The following GRAMD1B variants were observed in gnomAD, a reference collection of about 807,000 sequenced individuals.
GRAMD1B encodes GRAM domain containing 1B, also known as protein Aster-B.
In GRAMD1B, 37 loss-of-function variants were observed where a neutral mutation model predicts 99.7. The observed-to-expected ratio is 0.37, with a 90% CI of 0.29 to 0.49. The LOEUF (loss-of-function observed/expected upper bound fraction) is 0.49, where lower values mean the gene tolerates loss of function less well. GRAMD1B is among the 20% of genes least tolerant of loss of function. The pLI is 0.98. For synonymous variants in GRAMD1B, 427 were observed against 387.6 expected (o/e 1.10, Z -1.19); for missense variants, 888 against 1,009.2 (o/e 0.88, Z 1.63).
intron 1 of GRAMD1B, among the ~76,000 whole-genome samples, chr11:123,440,083 T>C (rs952106117): frequency 6.6e-6 from 1 of 152,122 alleles, no homozygotes; most frequent in Non-Finnish European, 1.5e-5. Flanking sequence ...AGAAAGGCAA[T>C]GGATGGTTAG....
rs79990380 is a variant in GRAMD1B, at chr11:123,592,019, T to C, written c.685-2063T>C. Reference sequence around the variant, plus strand: ...GATACCTGAGCTATTACTGGATATGTGAGAAGCAAGGGGGAGAAGGCACTA... The same window carrying C: ...GATACCTGAGCTATTACTGGATATGCGAGAAGCAAGGGGGAGAAGGCACTA... On this transcript the variant is annotated intron_variant, in intron 4 of 19. Coordinates refer to ENST00000635736, the MANE Select transcript of GRAMD1B (RefSeq NM_001387025.1). Among the ~76,000 whole-genome samples the C allele has an allele frequency of 3.4e-3, 522 of 152,242 alleles. 10 individuals are homozygous for C. The East Asian group carries it at 0.045, about 13-fold the overall frequency.
chr11:123,624,282 T>TA lies in GRAMD1B; in HGVS notation c.*1690dup, dbSNP rs1565485757. On this transcript the variant is annotated 3_prime_UTR_variant, in exon 20 of 20. Transcript: ENST00000635736. Reference sequence around the variant, plus strand: ...TTTTATCACTCATCTACCCCAAAGATAAAGTTGTATTTTTTTCTTAGAATG... The same window carrying TA: ...TTTTATCACTCATCTACCCCAAAGATAAAAGTTGTATTTTTTTCTTAGAATG... The TA allele has an allele frequency of 6.6e-6, 1 of 152,208 alleles. No individual in the cohort carries two copies. Among genetic ancestry groups the TA allele is most frequent in the East Asian group, 1.9e-4 (1 of 5,186 alleles). The allele number at this position is 152,208 out of a possible 1,614,324, so 9.4% of individuals were successfully genotyped here. A position where few individuals can be genotyped will look rare whatever the true frequency, so the allele number is the denominator to read the frequency against.
intron 7 of GRAMD1B, among the ~76,000 whole-genome samples, chr11:123,599,814 A>T (rs1951731438): frequency 6.6e-6 from 1 of 152,212 alleles, no homozygotes; most frequent in Admixed American, 6.5e-5. Flanking sequence ...CTTCTTGATT[A>T]TACAAGTTGC....
chr11:123,513,665 C>G lies in GRAMD1B; in HGVS notation c.452+32772C>G, dbSNP rs998216897. ...TTCTTTTTCTTACCTTTCTTTCTTT[C>G]TTTCTTTTCTTCTTTCACAGGGTCT... On this transcript the variant is annotated intron_variant, in intron 2 of 19. Coordinates refer to ENST00000635736, the MANE Select transcript of GRAMD1B (RefSeq NM_001387025.1). Among the ~76,000 whole-genome samples, 4 of 138,758 alleles carry G rather than the reference C, an allele frequency of 2.9e-5. No individual in the cohort carries two copies. In the Admixed American group the frequency reaches 3.1e-4, roughly 11 times the overall value. 91.0% of individuals were successfully genotyped at this position (138,758 alleles called of 152,430 possible).
chr11:123,590,892 G>A (rs1213578979), intron 4 of GRAMD1B, among the ~76,000 whole-genome samples: 7 of 152,194 alleles, frequency 4.6e-5, no homozygotes, highest in Admixed American at 2.6e-4. Context: ...ACTCTGCTGC[G>A]TCTAAGTGAC....
At chr11:123,469,695 CCTTTCT>C (rs1565525890) in intron 1 of GRAMD1B, among the ~76,000 whole-genome samples, 1 of 151,346 alleles carries the variant, frequency 6.6e-6, no homozygotes. Flanking sequence ...TTGTCCTTTC[CCTTTCT>C]CTTTCTTTTC....
chr11:123,622,546 C>T lies in GRAMD1B; in HGVS notation c.2585C>T (p.Ser862Phe), dbSNP rs1415377499. ...SLINLQNGIR[S>F]RDYTSESEEK... ...ATCAACCTTCAGAACGGCATCAGGT[C>T]CCGCGACTACACGTCGGAAAGTGAA... The change falls in exon 20 of 20, where the codon TCC (serine) becomes TTC (phenylalanine). Residue 862 changes from serine (S) to phenylalanine (F), a missense_variant. Transcript: ENST00000635736. 4 of 1,559,154 alleles carry T rather than the reference C, an allele frequency of 2.6e-6. No individual in the cohort carries two copies. Among genetic ancestry groups the T allele is most frequent in the African/African-American group, 2.7e-5 (2 of 73,198 alleles).
intron 1 of GRAMD1B, among the ~76,000 whole-genome samples, chr11:123,386,479 T>A (rs1056076292): frequency 6.8e-6 from 1 of 147,548 alleles, no homozygotes. Flanking sequence ...ACTCTGTCAC[T>A]GAGGCTGAAG....
Position 123,430,800 on chromosome 11 carries a change from C to A in GRAMD1B, c.8C>A (p.Ala3Glu). 4 of 681,300 alleles carry A rather than the reference C, an allele frequency of 5.9e-6. No homozygotes were observed. The highest frequency in any genetic ancestry group is 1.1e-5 in the Non-Finnish European group (4 of 375,916). The allele number at this position is 681,300 out of a possible 1,614,324, so 42.2% of individuals were successfully genotyped here. ...GCAGAGGCGACGGCCCCCATGCCGG[C>A]GGCCAACATGATGGAGAACCGGCCG... MP[A>E]ANMMENRPLP... Residue 3 changes from alanine (A) to glutamate (E), a missense_variant, in exon 1 of 20, where the codon GCG becomes GAG. Coordinates refer to ENST00000635736, the MANE Select transcript of GRAMD1B (RefSeq NM_001387025.1).
At chr11:123,513,580 TC>T (rs1236096251) in intron 2 of GRAMD1B, among the ~76,000 whole-genome samples, 40 of 65,598 alleles carry the variant, frequency 6.1e-4, no homozygotes, top group African/African-American at 2.6e-3. Context: ...TTCCTTCCTT[TC>T]CTTCCTTCCT....
intron 2 of GRAMD1B, among the ~76,000 whole-genome samples, chr11:123,488,760 C>T (rs1280937523): frequency 2.0e-5 from 3 of 152,252 alleles, no homozygotes; most frequent in Non-Finnish European, 4.4e-5. Flanking sequence ...GAGCCCTACC[C>T]TAGAAGTGTA....
intron 1 of GRAMD1B, among the ~76,000 whole-genome samples, chr11:123,462,120 C>A (rs1950452446): frequency 6.6e-6 from 1 of 151,996 alleles, no homozygotes; most frequent in East Asian, 1.9e-4. Context: ...GCGCCCGCCA[C>A]CATGCCTGGC....
intron 3 of GRAMD1B, 60 bp from the exon 4 acceptor site, chr11:123,584,252 G>A (rs1949796245): frequency 1.1e-6 from 1 of 882,310 alleles, no homozygotes; most frequent in Non-Finnish European, 1.8e-6. Context: ...CTTCCCCCTG[G>A]CCCTTCCCCC....
intron 2 of GRAMD1B, among the ~76,000 whole-genome samples, chr11:123,566,449 G>A (rs1262571314): frequency 1.3e-5 from 2 of 152,194 alleles, no homozygotes; most frequent in African/African-American, 2.4e-5. Flanking sequence ...GTGGCTGGAC[G>A]ATGGAATGAA....
intron 1 of GRAMD1B, among the ~76,000 whole-genome samples, chr11:123,393,564 C>G (rs1225913391): frequency 6.6e-6 from 1 of 152,190 alleles, no homozygotes; most frequent in African/African-American, 2.4e-5. Context: ...TGATAGGTCT[C>G]AGTTTCTCAC....
At chr11:123,368,813 G>T (rs951866937) in intron 1 of GRAMD1B, among the ~76,000 whole-genome samples, 1 of 151,936 alleles carries the variant, frequency 6.6e-6, no homozygotes, top group South Asian at 2.1e-4. Flanking sequence ...TCATTATCTT[G>T]GCAAAAATAG....
intron 2 of GRAMD1B, among the ~76,000 whole-genome samples, chr11:123,485,297 T>G (rs188605649): frequency 3.9e-5 from 6 of 152,236 alleles, no homozygotes; most frequent in Non-Finnish European, 7.3e-5. Context: ...AGATGCACTT[T>G]CAGCTGGTTT....
At chr11:123,442,204 G>T (rs1949441177) in intron 1 of GRAMD1B, among the ~76,000 whole-genome samples, 1 of 152,124 alleles carries the variant, frequency 6.6e-6, no homozygotes, top group South Asian at 2.1e-4. Flanking sequence ...CTCTAAGATT[G>T]CCCCCACTTC....
chr11:123,405,371 C>G (rs572970459), intron 1 of GRAMD1B, among the ~76,000 whole-genome samples: 21 of 152,176 alleles, frequency 1.4e-4, no homozygotes, highest in African/African-American at 4.3e-4. Flanking sequence ...CCATCCTCCC[C>G]CCTCGAAGGC....
Sources: allele counts gnomAD v4.1 joint callset (sites outside exome capture counted in the v4.1 genomes callset), GRCh38; gene constraint gnomAD v4.1.1; transcripts MANE v1.5; gene names NCBI Gene and HGNC (gene_info 2026-07-23, HGNC 2026-07-21).